The following ANKRD30B variants were observed in gnomAD, a reference collection of about 807,000 sequenced individuals.
The protein encoded by ANKRD30B is ankyrin repeat domain-containing protein 30B.
ANKRD30B carries 144 observed loss-of-function variants against 202.2 expected under a neutral mutation model. That is an observed-to-expected ratio of 0.71 (90% confidence interval 0.62 to 0.82). The LOEUF is 0.82. ANKRD30B is among the 40% of genes least tolerant of loss of function. The probability of loss-of-function intolerance (pLI) is 0.00; values close to 1 mark genes in which losing one functional copy is unlikely to be tolerated. For synonymous variants in ANKRD30B, 508 were observed against 561.3 expected (o/e 0.91, Z 1.34); for missense variants, 1,487 against 1,669.1 (o/e 0.89, Z 1.90).
chr18:14,924,811 G>T, the ANKRD30B span, among the ~76,000 whole-genome samples: 2 of 152,348 alleles, frequency 1.3e-5, no homozygotes, highest in East Asian at 3.9e-4. Flanking sequence ...GGCTGAGAGG[G>T]CTCAGACCTT....
the ANKRD30B span, among the ~76,000 whole-genome samples, chr18:14,880,804 T>G: frequency 6.6e-6 from 1 of 152,190 alleles, no homozygotes; most frequent in African/African-American, 2.4e-5. Context: ...GCTAGGTATA[T>G]TCCTCAGTTT....
chr18:14,876,505 C>T, the ANKRD30B span, among the ~76,000 whole-genome samples: 1 of 152,170 alleles, frequency 6.6e-6, no homozygotes, highest in African/African-American at 2.4e-5. Flanking sequence ...CTCCTGATCT[C>T]ATGGGGGTCT....
At chr18:14,926,923 T>TTGTGTGTG in the ANKRD30B span, among the ~76,000 whole-genome samples, 3 of 147,670 alleles carry the variant, frequency 2.0e-5, no homozygotes, top group African/African-American at 4.9e-5. Context: ...TGAGCAAGGG[T>TTGTGTGTG]TGTGTGTGTG....
chr18:14,938,279 G>A, the ANKRD30B span, among the ~76,000 whole-genome samples: 2 of 152,216 alleles, frequency 1.3e-5, no homozygotes, highest in East Asian at 3.9e-4. Context: ...ATGCAAAGGT[G>A]TTTTAGAAAA....
intron 7 of ANKRD30B, among the ~76,000 whole-genome samples, chr18:14,764,439 G>A (rs1224302077): frequency 6.6e-6 from 1 of 152,010 alleles, no homozygotes; most frequent in Non-Finnish European, 1.5e-5. Context: ...GCCTGGGCTG[G>A]AGTGCAATGG....
At chr18:14,777,158 A>T (rs1967409705) in intron 9 of ANKRD30B, among the ~76,000 whole-genome samples, 1 of 152,182 alleles carries the variant, frequency 6.6e-6, no homozygotes, top group African/African-American at 2.4e-5. Flanking sequence ...ATGCTCAGTA[A>T]CCCAGTCAAT....
chr18:14,805,155 G>C (rs1389517761), intron 24 of ANKRD30B, among the ~76,000 whole-genome samples: 3 of 150,648 alleles, frequency 2.0e-5, no homozygotes, highest in Non-Finnish European at 3.0e-5. Flanking sequence ...TTTTAAGGAA[G>C]CAAATTGTGT....
the ANKRD30B span, among the ~76,000 whole-genome samples, chr18:14,876,811 A>G: frequency 2.0e-5 from 3 of 152,320 alleles, no homozygotes; most frequent in Non-Finnish European, 2.9e-5. Context: ...GCATGGGGAT[A>G]CCCTTAAGTT....
At chr18:14,934,068 C>A in the ANKRD30B span, among the ~76,000 whole-genome samples, 22 of 152,222 alleles carry the variant, frequency 1.4e-4, no homozygotes, top group Non-Finnish European at 2.4e-4. Context: ...CTTTGCATTC[C>A]ACCCTGGGCA....
chr18:14,929,510 T>C, the ANKRD30B span, among the ~76,000 whole-genome samples: 1 of 152,094 alleles, frequency 6.6e-6, no homozygotes, highest in African/African-American at 2.4e-5. Context: ...TTTGAAAAAA[T>C]AATAGTTTCT....
rs1334652772 is a variant in ANKRD30B at position 14,852,264 on chromosome 18, T to G, written c.4320T>G (p.His1440Gln). Residue 1440 changes from histidine (H) to glutamine (Q), a missense_variant, in exon 42 of 44, where the codon CAT becomes CAG. Physicochemically the swap from His to Gln is conservative, Grantham distance 24 (BLOSUM62 0). Around this residue, in one of 6 missense-constraint regions of ANKRD30B, gnomAD observed 182 missense variants for 216.0 expected, o/e 0.84. Transcript: ENST00000690538. ...TTCGACAGCAATTAGTTTATGCACA[T>G]AAGAAAGTTAACAAAAGCAAGGTAA... ...RWLRQQLVYA[H>Q]KKVNKSKVTI... The G allele has an allele frequency of 1.3e-6, 2 of 1,549,484 alleles. No homozygotes were observed. The highest frequency in any genetic ancestry group is 4.0e-5 in the Admixed American group (2 of 49,858).
At chr18:14,861,905 A>C in the ANKRD30B span, among the ~76,000 whole-genome samples, 4 of 152,340 alleles carry the variant, frequency 2.6e-5, no homozygotes, top group East Asian at 7.7e-4. Flanking sequence ...AGCCTCAATA[A>C]ATTTTTAAAA....
chr18:14,881,027 G>A, the ANKRD30B span, among the ~76,000 whole-genome samples: 1 of 152,260 alleles, frequency 6.6e-6, no homozygotes, highest in Non-Finnish European at 1.5e-5. Context: ...CATATCGTCA[G>A]CAACCAGTGA....
At chr18:14,875,341 A>G in the ANKRD30B span, among the ~76,000 whole-genome samples, 2 of 152,168 alleles carry the variant, frequency 1.3e-5, no homozygotes, top group Non-Finnish European at 2.9e-5. Context: ...ATCAAATTAG[A>G]GTTCAGAGCG....
intron 15 of ANKRD30B, among the ~76,000 whole-genome samples, chr18:14,788,579 G>C (rs1272161795): frequency 2.7e-5 from 4 of 150,700 alleles, no homozygotes; most frequent in Non-Finnish European, 5.9e-5. Flanking sequence ...AGAGTGTGAT[G>C]TTCCCCTTCC....
At chr18:14,771,758 G>T (rs1967017123) in intron 8 of ANKRD30B, among the ~76,000 whole-genome samples, 1 of 152,040 alleles carries the variant, frequency 6.6e-6, no homozygotes, top group Non-Finnish European at 1.5e-5. Context: ...CTTATTTTAG[G>T]TTATCAAGTT....
At chr18:14,806,473 C>T (rs868272898) in intron 24 of ANKRD30B, among the ~76,000 whole-genome samples, 18 of 150,956 alleles carry the variant, frequency 1.2e-4, no homozygotes, top group Admixed American at 3.3e-4. Context: ...CCATGTGACC[C>T]GTCCTGATTT....
At chr18:14,777,530 T>A (rs1967436849) in intron 9 of ANKRD30B, among the ~76,000 whole-genome samples, 1 of 151,972 alleles carries the variant, frequency 6.6e-6, no homozygotes, top group Non-Finnish European at 1.5e-5. Context: ...TCTCTTGACC[T>A]CGTGATCCCC....
At chr18:14,758,480 G>A (rs1490974283) in intron 5 of ANKRD30B, among the ~76,000 whole-genome samples, 2 of 152,166 alleles carry the variant, frequency 1.3e-5, no homozygotes, top group South Asian at 2.1e-4. Context: ...TTGTGACCAG[G>A]ATGCCCTTAC....
Sources: allele counts gnomAD v4.1 joint callset (sites outside exome capture counted in the v4.1 genomes callset), GRCh38; gene constraint gnomAD v4.1.1; regional missense constraint gnomAD v4.1.1; transcripts MANE v1.5; gene names NCBI Gene and HGNC (gene_info 2026-07-23, HGNC 2026-07-21).